CAMK1D: variants seen among roughly 807,000 people sequenced by gnomAD.
CAMK1D encodes the protein calcium/calmodulin-dependent protein kinase type 1D.
Under a neutral mutation model 47.7 loss-of-function variants are expected in CAMK1D, and 9 were observed. That is an observed-to-expected ratio of 0.19 (90% CI 0.11 to 0.33). The LOEUF (loss-of-function observed/expected upper bound fraction) is 0.33. CAMK1D is among the 10% of genes least tolerant of loss of function. The pLI, the probability that CAMK1D is intolerant of heterozygous loss-of-function variation, is 1.00. For missense variants in CAMK1D, 291 were observed against 488.7 expected, an observed-to-expected ratio of 0.60 and a Z score of 3.81; for synonymous variants, 184 against 184.9, an observed-to-expected ratio of 0.99 and a Z score of 0.04.
intron 1 of CAMK1D, among the ~76,000 whole-genome samples, chr10:12,403,412 G>A (rs895056047): frequency 6.6e-6 from 1 of 152,214 alleles, no homozygotes; most frequent in Non-Finnish European, 1.5e-5. Flanking sequence ...TTGGATAAAG[G>A]TGATAATCGA....
chr10:12,615,713 TGTA>T (rs1445922721), intron 2 of CAMK1D, among the ~76,000 whole-genome samples: 2 of 151,082 alleles, frequency 1.3e-5, no homozygotes, highest in Non-Finnish European at 3.0e-5. Flanking sequence ...TCTATAGATG[TGTA>T]GGTGTGAGTG....
intron 6 of CAMK1D, among the ~76,000 whole-genome samples, chr10:12,810,532 C>T (rs1026687380): frequency 2.6e-5 from 4 of 152,202 alleles, no homozygotes; most frequent in Admixed American, 2.6e-4. Flanking sequence ...GCCTTGGCCT[C>T]CCAAAGTGTT....
At chr10:12,795,780 C>T (rs2131013546) in intron 6 of CAMK1D, among the ~76,000 whole-genome samples, 2 of 152,228 alleles carry the variant, frequency 1.3e-5, no homozygotes, top group Middle Eastern at 6.8e-3. Context: ...AGTATTTTTT[C>T]CTACCAAGGA....
intron 2 of CAMK1D, among the ~76,000 whole-genome samples, chr10:12,594,868 A>C (rs1838097878): frequency 6.6e-6 from 1 of 152,208 alleles, no homozygotes; most frequent in Non-Finnish European, 1.5e-5. Flanking sequence ...GCCATATTGC[A>C]GCCAGGCCCA....
At chr10:12,459,734 A>G (rs1833368105) in intron 1 of CAMK1D, among the ~76,000 whole-genome samples, 1 of 152,236 alleles carries the variant, frequency 6.6e-6, no homozygotes, top group Non-Finnish European at 1.5e-5. Flanking sequence ...TAATGTGGTT[A>G]TTTTTAAAAT....
intron 3 of CAMK1D, among the ~76,000 whole-genome samples, chr10:12,742,888 G>A (rs912919853): frequency 6.6e-6 from 1 of 152,196 alleles, no homozygotes; most frequent in African/African-American, 2.4e-5. Flanking sequence ...AGGAGAGCCC[G>A]CGTCAGAGAC....
chr10:12,752,511 T>C (rs1022555875), intron 3 of CAMK1D, among the ~76,000 whole-genome samples: 1 of 152,200 alleles, frequency 6.6e-6, no homozygotes, highest in Non-Finnish European at 1.5e-5. Flanking sequence ...CTTTGAGTGA[T>C]TGTTACACTA....
intron 1 of CAMK1D, among the ~76,000 whole-genome samples, chr10:12,368,078 G>C (rs967641735): frequency 3.3e-5 from 5 of 152,102 alleles, no homozygotes; most frequent in African/African-American, 1.2e-4. Context: ...TGTAGTCCCA[G>C]CTACTCGGGA....
At chr10:12,820,898 G>A (rs920635956) in intron 8 of CAMK1D, among the ~76,000 whole-genome samples, 4 of 152,210 alleles carry the variant, frequency 2.6e-5, no homozygotes, top group Non-Finnish European at 4.4e-5. Flanking sequence ...GGGAACCCAG[G>A]CCCTGTTACA....
intron 2 of CAMK1D, among the ~76,000 whole-genome samples, chr10:12,633,963 T>C (rs1292121668): frequency 1.3e-5 from 2 of 152,180 alleles, no homozygotes; most frequent in Admixed American, 1.3e-4. Context: ...GTTTGAAACC[T>C]GCACAGAAAG....
At chr10:12,540,055 A>T (rs1417651215) in intron 1 of CAMK1D, among the ~76,000 whole-genome samples, 1 of 151,906 alleles carries the variant, frequency 6.6e-6, no homozygotes, top group Non-Finnish European at 1.5e-5. Context: ...GTAGGACTAC[A>T]GGTGTGTGCA....
intron 1 of CAMK1D, among the ~76,000 whole-genome samples, chr10:12,415,725 AC>A (rs1356215613): frequency 6.7e-6 from 1 of 150,080 alleles, no homozygotes; most frequent in African/African-American, 2.5e-5. Flanking sequence ...TCACTTCCCT[AC>A]GGAAGTGGAT....
chr10:12,553,668 C>T (rs964171354), intron 2 of CAMK1D, among the ~76,000 whole-genome samples: 21 of 152,298 alleles, frequency 1.4e-4, no homozygotes, highest in African/African-American at 5.1e-4. Flanking sequence ...CCTGAGTCTT[C>T]TCTGTAAAAT....
intron 2 of CAMK1D, among the ~76,000 whole-genome samples, chr10:12,569,237 C>G (rs1837238884): frequency 6.6e-6 from 1 of 152,158 alleles, no homozygotes; most frequent in Non-Finnish European, 1.5e-5. Context: ...CACTTACTTG[C>G]ATAAATTGTA....
intron 6 of CAMK1D, among the ~76,000 whole-genome samples, chr10:12,801,482 T>TCATC (rs1213130775): frequency 2.0e-5 from 3 of 149,498 alleles, no homozygotes; most frequent in South Asian, 4.3e-4. Flanking sequence ...ATCTATCCAT[T>TCATC]CATCCATCCA....
chr10:12,744,695 A>G (rs889185963), intron 3 of CAMK1D, among the ~76,000 whole-genome samples: 1 of 151,948 alleles, frequency 6.6e-6, no homozygotes, highest in Non-Finnish European at 1.5e-5. Context: ...ATTTGAGAGC[A>G]GCCTGGGCAA....
At chr10:12,368,215 T>C (rs12414041) in intron 1 of CAMK1D, among the ~76,000 whole-genome samples, 14 of 131,842 alleles carry the variant, frequency 1.1e-4, no homozygotes, top group African/African-American at 2.8e-4. Context: ...AAAAAAAAAA[T>C]AAAATAAAAT....
intron 5 of CAMK1D, among the ~76,000 whole-genome samples, chr10:12,789,625 G>T (rs368932153): frequency 1.9e-4 from 29 of 152,334 alleles, no homozygotes; most frequent in African/African-American, 7.0e-4. Context: ...AAGGAAGTTC[G>T]TGTAGACGCC....
rs76488693 is a variant in CAMK1D, at chr10:12,423,835, A to G, written c.92+73925A>G. 4.3e-3 allele frequency among the ~76,000 whole-genome samples: 654 copies of G among 152,282 alleles called. 6 individuals carry two copies. The East Asian group carries it at 0.06, about 14-fold the overall frequency. On this transcript the variant is annotated intron_variant, in intron 1 of 10. Coordinates refer to ENST00000619168, the MANE Select transcript of CAMK1D (RefSeq NM_153498.4). ...TGGTTTCTGTGGTGCCAAAATCTAGAAAAAGGCCCTGAGTGGTGTGTATCT... is the reference window on the plus strand; with the variant it reads ...TGGTTTCTGTGGTGCCAAAATCTAGGAAAAGGCCCTGAGTGGTGTGTATCT...
Sources: gnomAD v4.1 joint callset for allele counts (sites outside exome capture counted in the v4.1 genomes callset) on GRCh38, gnomAD v4.1.1 for gene constraint, MANE v1.5 for transcripts, NCBI Gene and HGNC (gene_info 2026-07-23, HGNC 2026-07-21) for gene names.